Variants in TENM3 observed in about 807,000 individuals in gnomAD.
TENM3 encodes teneurin-3.
TENM3 carries 63 observed loss-of-function variants against 255.1 expected under a neutral mutation model. The ratio of observed to expected loss-of-function variants is 0.25; its 90% CI spans 0.20 to 0.30. The LOEUF (loss-of-function observed/expected upper bound fraction) is 0.30, where lower values mean the gene tolerates loss of function less well. Ranked by LOEUF, TENM3 falls within the 10% of genes least tolerant of loss-of-function variation. TENM3 has a pLI of 1.00. For missense variants in TENM3, 2,929 were observed against 3,461.1 expected, an observed-to-expected ratio of 0.85 and a Z score of 3.86; for synonymous variants, 1,306 against 1,322.3, an observed-to-expected ratio of 0.99 and a Z score of 0.27.
chr4:182,295,863 C>G (rs1266602543), intron 1 of TENM3, among the ~76,000 whole-genome samples: 1 of 152,020 alleles, frequency 6.6e-6, no homozygotes, highest in Non-Finnish European at 1.5e-5. Context: ...GTTGTCAGGA[C>G]CTAAAAGTTA....
At chr4:181,852,009 T>A in the TENM3 span, among the ~76,000 whole-genome samples, 2 of 152,148 alleles carry the variant, frequency 1.3e-5, no homozygotes, top group East Asian at 3.9e-4. Flanking sequence ...CAGTTTTAAT[T>A]ACCAAATTTA....
chr4:181,880,866 C>T, the TENM3 span, among the ~76,000 whole-genome samples: 1 of 152,162 alleles, frequency 6.6e-6, no homozygotes, highest in Non-Finnish European at 1.5e-5. Context: ...AGGGCTCCTC[C>T]TATGACCAAC....
chr4:182,607,125 C>T (rs1748510840), intron 4 of TENM3, among the ~76,000 whole-genome samples: 1 of 152,162 alleles, frequency 6.6e-6, no homozygotes, highest in African/African-American at 2.4e-5. Context: ...GTGGCACATG[C>T]TAGGTGTTCC....
At chr4:182,181,909 T>C (rs982492457) in intron 1 of TENM3, among the ~76,000 whole-genome samples, 1 of 152,170 alleles carries the variant, frequency 6.6e-6, no homozygotes, top group African/African-American at 2.4e-5. Flanking sequence ...TTTTTAATTT[T>C]TGTTTTTAGT....
Position 182,628,831 on chromosome 4 carries a change from T to A in TENM3, c.930T>A (p.Thr310=), listed in dbSNP as rs1751079178. 1 of 1,610,872 alleles carries A rather than the reference T, an allele frequency of 6.2e-7. No individual in the cohort carries two copies. Among genetic ancestry groups the A allele is most frequent in the Admixed American group, 1.7e-5 (1 of 59,610 alleles). Residue 310 remains threonine, a synonymous_variant, in exon 5 of 28, where the codon ACT becomes ACA. Transcript: ENST00000511685. ...KSSKYCSWKC[T]ALCAVGVSVL... is the part of the protein sequence containing the mutation. ...CAAAGTACTGTAGCTGGAAATGCAC[T>A]GCACTGTGTGCCGTAGGGGTCTCGG...
intron 12 of TENM3, among the ~76,000 whole-genome samples, chr4:182,713,591 T>C (rs1348511267): frequency 6.6e-6 from 1 of 152,256 alleles, no homozygotes; most frequent in Non-Finnish European, 1.5e-5. Flanking sequence ...ATGTTCTCTT[T>C]TTGACATCAT....
the TENM3 span, among the ~76,000 whole-genome samples, chr4:181,711,194 A>C: frequency 6.6e-6 from 1 of 152,216 alleles, no homozygotes; most frequent in Non-Finnish European, 1.5e-5. Flanking sequence ...AACAAGCCAC[A>C]TATGCACAAG....
chr4:181,562,640 C>T, the TENM3 span, among the ~76,000 whole-genome samples: 4 of 151,676 alleles, frequency 2.6e-5, no homozygotes, highest in Admixed American at 2.6e-4. Flanking sequence ...CCTGTGATGG[C>T]AGGAAAAGGA....
intron 3 of TENM3, among the ~76,000 whole-genome samples, chr4:182,600,037 T>G (rs1470103060): frequency 6.6e-6 from 1 of 152,252 alleles, no homozygotes; most frequent in African/African-American, 2.4e-5. Flanking sequence ...TACGGAATTT[T>G]CTAGCAGTTA....
chr4:181,832,010 G>GTGTA, the TENM3 span, among the ~76,000 whole-genome samples: 5 of 140,920 alleles, frequency 3.5e-5, no homozygotes, highest in Admixed American at 1.4e-4. Flanking sequence ...GTGTGTGTGT[G>GTGTA]TGTGTGTATA....
At chr4:181,832,804 C>T in the TENM3 span, among the ~76,000 whole-genome samples, 1 of 152,126 alleles carries the variant, frequency 6.6e-6, no homozygotes, top group East Asian at 1.9e-4. Flanking sequence ...GGTGGCATTC[C>T]TTGAGATGAG....
the TENM3 span, among the ~76,000 whole-genome samples, chr4:181,686,832 C>T: frequency 2.6e-5 from 4 of 152,074 alleles, no homozygotes; most frequent in East Asian, 1.9e-4. Context: ...CTATACTCAT[C>T]GATGAACTAT....
At chr4:182,353,918 TC>T (rs1420479283) in intron 3 of TENM3, among the ~76,000 whole-genome samples, 11 of 150,476 alleles carry the variant, frequency 7.3e-5, no homozygotes, top group Non-Finnish European at 1.5e-5. Flanking sequence ...TGAGCCGAGA[TC>T]GTGCCACTGC....
At chr4:182,478,023 G>T (rs1368721229) in intron 3 of TENM3, among the ~76,000 whole-genome samples, 1 of 152,088 alleles carries the variant, frequency 6.6e-6, no homozygotes, top group Non-Finnish European at 1.5e-5. Flanking sequence ...CACATAGTGA[G>T]AACTGTTTCA....
the TENM3 span, among the ~76,000 whole-genome samples, chr4:181,511,061 C>T: frequency 6.6e-6 from 1 of 151,994 alleles, no homozygotes; most frequent in African/African-American, 2.4e-5. Flanking sequence ...GTTAAAATAT[C>T]AGAAGAATAT....
chr4:182,063,494 T>C, the TENM3 span, among the ~76,000 whole-genome samples: 1 of 152,220 alleles, frequency 6.6e-6, no homozygotes, highest in Non-Finnish European at 1.5e-5. Context: ...AAATTAGGAA[T>C]ATTGTCCTAA....
At chr4:181,724,677 G>T in the TENM3 span, among the ~76,000 whole-genome samples, 1 of 152,226 alleles carries the variant, frequency 6.6e-6, no homozygotes, top group African/African-American at 2.4e-5. Context: ...TAAAAGCTTT[G>T]TTAGACAATT....
intron 3 of TENM3, among the ~76,000 whole-genome samples, chr4:182,547,571 A>G (rs548152446): frequency 2.7e-4 from 41 of 152,168 alleles, no homozygotes; most frequent in African/African-American, 9.9e-4. Context: ...CTTCATGACA[A>G]TCAGAGGAGG....
At chr4:181,979,403 C>T in the TENM3 span, among the ~76,000 whole-genome samples, 2 of 151,342 alleles carry the variant, frequency 1.3e-5, no homozygotes, top group African/African-American at 4.9e-5. Context: ...CCCATCAAGG[C>T]AATTATTGAT....
Sources: allele counts gnomAD v4.1 joint callset (sites outside exome capture counted in the v4.1 genomes callset), GRCh38; gene constraint gnomAD v4.1.1; transcripts MANE v1.5; gene names NCBI Gene and HGNC (gene_info 2026-07-23, HGNC 2026-07-21).